CHST11: variants seen among roughly 807,000 people sequenced by gnomAD.
CHST11 encodes carbohydrate sulfotransferase 11, also known as C4S-1.
Under a neutral mutation model 30.4 loss-of-function variants are expected in CHST11, and 9 were observed. That is an observed-to-expected ratio of 0.30 (90% CI 0.18 to 0.52). CHST11 has a LOEUF of 0.52. Ranked by LOEUF, CHST11 falls within the 20% of genes least tolerant of loss-of-function variation. CHST11 has a pLI of 0.97. For synonymous variants in CHST11, 152 were observed against 187.8 expected (o/e 0.81, Z 1.56); for missense variants, 348 against 460.6 (o/e 0.76, Z 2.24).
Position 104,692,679 on chromosome 12 carries a change from CA to C in CHST11, c.205-64268del, listed in dbSNP as rs2039907506. 2.6e-5 allele frequency among the ~76,000 whole-genome samples: 4 copies of C among 152,220 alleles called. No individual in the cohort carries two copies. The East Asian group carries it at 7.7e-4, about 29-fold the overall frequency. On this transcript the variant is annotated intron_variant, in intron 2 of 2. Coordinates refer to ENST00000303694, the MANE Select transcript of CHST11 (RefSeq NM_018413.6). ...CAGCAAGAGGTGAGTGGCAGGCGAG[CA>C]AGCATTACTGCCTGAGCTCCACCTC... is the stretch of plus-strand genomic sequence containing the variant.
At chr12:104,560,551 G>A (rs534859319) in intron 1 of CHST11, among the ~76,000 whole-genome samples, 2 of 152,276 alleles carry the variant, frequency 1.3e-5, no homozygotes, top group South Asian at 4.2e-4. Flanking sequence ...ACCTCAGCAG[G>A]CAGCATTAGT....
At chr12:104,691,432 G>A (rs896666506) in intron 2 of CHST11, among the ~76,000 whole-genome samples, 2 of 151,282 alleles carry the variant, frequency 1.3e-5, no homozygotes, top group Admixed American at 6.6e-5. Flanking sequence ...TAATGGTGAT[G>A]TGTCTATTTT....
chr12:104,749,434 T>C (rs545560284), intron 2 of CHST11, among the ~76,000 whole-genome samples: 30 of 152,366 alleles, frequency 2.0e-4, no homozygotes, highest in African/African-American at 4.8e-4. Context: ...ATATGTCCTT[T>C]GTTATGGTCT....
At chr12:104,720,127 C>T (rs1051086783) in intron 2 of CHST11, among the ~76,000 whole-genome samples, 2 of 152,224 alleles carry the variant, frequency 1.3e-5, no homozygotes, top group African/African-American at 2.4e-5. Flanking sequence ...TGGCGGCATC[C>T]GGAGCCCCAA....
chr12:104,591,327 G>A (rs1179276123), intron 1 of CHST11, among the ~76,000 whole-genome samples: 1 of 152,242 alleles, frequency 6.6e-6, no homozygotes, highest in Middle Eastern at 3.4e-3. Context: ...GTAGAGAATA[G>A]AGTAGGGAGG....
chr12:104,513,526 G>A (rs1193853685), intron 1 of CHST11, among the ~76,000 whole-genome samples: 17 of 152,232 alleles, frequency 1.1e-4, no homozygotes, highest in East Asian at 9.6e-4. Flanking sequence ...TAAGATTCTC[G>A]TTTGCAATCC....
chr12:104,655,962 C>G (rs532945962), intron 2 of CHST11, among the ~76,000 whole-genome samples: 1 of 152,250 alleles, frequency 6.6e-6, no homozygotes, highest in East Asian at 1.9e-4. Context: ...TAGTTTTTTC[C>G]TCTGGTTCCA....
intron 2 of CHST11, among the ~76,000 whole-genome samples, chr12:104,627,915 C>G (rs1473822088): frequency 6.6e-6 from 1 of 152,142 alleles, no homozygotes; most frequent in Non-Finnish European, 1.5e-5. Flanking sequence ...AACACTCGCT[C>G]TGTGCTTTAC....
At chr12:104,503,686 G>T (rs2037874544) in intron 1 of CHST11, among the ~76,000 whole-genome samples, 1 of 152,092 alleles carries the variant, frequency 6.6e-6, no homozygotes, top group South Asian at 2.1e-4. Flanking sequence ...CTGGGAAGCT[G>T]GCCTCCGCTC....
At chr12:104,710,824 G>C (rs1443102066) in intron 2 of CHST11, among the ~76,000 whole-genome samples, 6 of 152,158 alleles carry the variant, frequency 3.9e-5, no homozygotes. Context: ...GTGACTTCCA[G>C]CTCTGAAGCA....
chr12:104,758,868 A>T lies in CHST11; in HGVS notation c.*1065A>T, dbSNP rs1435994772. 1 of 152,236 alleles carries T rather than the reference A, an allele frequency of 6.6e-6. No homozygotes were observed. The highest frequency in any genetic ancestry group is 1.5e-5 in the Non-Finnish European group (1 of 68,050). The allele number at this position is 152,236 out of a possible 1,614,324, so 9.4% of individuals were successfully genotyped here. On this transcript the variant is annotated 3_prime_UTR_variant, in exon 3 of 3. Coordinates refer to ENST00000303694, the MANE Select transcript of CHST11 (RefSeq NM_018413.6). ...AAAAGATGCTAAAAAAATGTGTCCTATCATGTGCCTGCTCCAACTGATGGG... is the reference window on the plus strand; with the variant it reads ...AAAAGATGCTAAAAAAATGTGTCCTTTCATGTGCCTGCTCCAACTGATGGG...
chr12:104,756,011 G>A (rs1357079110), intron 2 of CHST11, among the ~76,000 whole-genome samples: 1 of 152,168 alleles, frequency 6.6e-6, no homozygotes. Flanking sequence ...GTGTATGAAT[G>A]GGGGCTTGGT....
chr12:104,561,718 G>A (rs770593224), intron 1 of CHST11, among the ~76,000 whole-genome samples: 12 of 151,950 alleles, frequency 7.9e-5, no homozygotes, highest in Non-Finnish European at 1.2e-4. Flanking sequence ...CAGCCACTGC[G>A]CTAAGGGTTT....
At chr12:104,514,730 G>A (rs531799803) in intron 1 of CHST11, among the ~76,000 whole-genome samples, 4 of 152,212 alleles carry the variant, frequency 2.6e-5, no homozygotes, top group East Asian at 1.9e-4. Flanking sequence ...TCTTCTTAAC[G>A]ATCAGCTCTT....
chr12:104,579,544 A>G (rs781448273), intron 1 of CHST11, among the ~76,000 whole-genome samples: 2 of 152,228 alleles, frequency 1.3e-5, no homozygotes, highest in South Asian at 2.1e-4. Flanking sequence ...ATTCGTTATT[A>G]TCATTCCCAT....
rs75292806 is a variant in CHST11 at position 104,490,447 on chromosome 12, T to G, written c.118+32918T>G. ...ATTAAAATGGACACATACCGTGTCA[T>G]GCAGTTGGTGCCGAAGTGTTTTAAG... On this transcript the variant is annotated intron_variant, in intron 1 of 2. Coordinates refer to ENST00000303694, the MANE Select transcript of CHST11 (RefSeq NM_018413.6). 0.012 allele frequency among the ~76,000 whole-genome samples: 1,807 copies of G among 152,336 alleles called. 62 individuals carry two copies. In the East Asian group the frequency reaches 0.14, roughly 12 times the overall value.
intron 1 of CHST11, among the ~76,000 whole-genome samples, chr12:104,592,267 C>T (rs899498416): frequency 6.6e-6 from 1 of 152,120 alleles, no homozygotes; most frequent in Non-Finnish European, 1.5e-5. Flanking sequence ...TTAATCTGTT[C>T]AGGGTGCTAC....
At chr12:104,503,782 G>A (rs1217275735) in intron 1 of CHST11, among the ~76,000 whole-genome samples, 1 of 152,140 alleles carries the variant, frequency 6.6e-6, no homozygotes, top group Non-Finnish European at 1.5e-5. Flanking sequence ...GTTAGTACCC[G>A]TTCGCTTTCT....
intron 1 of CHST11, among the ~76,000 whole-genome samples, chr12:104,461,564 T>G (rs541204093): frequency 6.6e-6 from 1 of 152,340 alleles, no homozygotes; most frequent in East Asian, 1.9e-4. Flanking sequence ...ACCTTCCTTT[T>G]GTGTTACTCC....
Sources: allele counts gnomAD v4.1 joint callset (sites outside exome capture counted in the v4.1 genomes callset), GRCh38; gene constraint gnomAD v4.1.1; transcripts MANE v1.5; gene names NCBI Gene and HGNC (gene_info 2026-07-23, HGNC 2026-07-21).